Variants in PTBP2 observed in about 807,000 individuals in gnomAD.
PTBP2 encodes the protein polypyrimidine tract-binding protein 2.
Under a neutral mutation model 61.4 loss-of-function variants are expected in PTBP2, and 13 were observed. The observed-to-expected ratio is 0.21, with a 90% CI of 0.14 to 0.34. The LOEUF (loss-of-function observed/expected upper bound fraction) is 0.34. PTBP2 is among the 10% of genes least tolerant of loss of function. The pLI is 1.00. For synonymous variants in PTBP2, 215 were observed against 218.5 expected, an observed-to-expected ratio of 0.98 and a Z score of 0.14; for missense variants, 405 against 642.6, an observed-to-expected ratio of 0.63 and a Z score of 4.00.
At chr1:96,791,213 G>A (rs1448034399) in intron 8 of PTBP2, among the ~76,000 whole-genome samples, 1 of 152,128 alleles carries the variant, frequency 6.6e-6, no homozygotes, top group Non-Finnish European at 1.5e-5. Flanking sequence ...CATACACAGT[G>A]ATGAAGGGAA....
intron 3 of PTBP2, among the ~76,000 whole-genome samples, chr1:96,766,544 T>G (rs1656737013): frequency 6.6e-6 from 1 of 152,192 alleles, no homozygotes; most frequent in Admixed American, 6.5e-5. Context: ...AAGCTAATGT[T>G]TCCATTTTTG....
At position 96,738,398 on chromosome 1, in the gene PTBP2, C is replaced by G. The variant is rs1044836097; in HGVS notation, c.40-13027C>G. 2.0e-5 allele frequency among the ~76,000 whole-genome samples: 3 copies of G among 151,940 alleles called. 1 individual carries two copies. Among genetic ancestry groups the G allele is most frequent in the Non-Finnish European group, 1.5e-5 (1 of 67,998 alleles). ...AGGCCATTCTCCTGCCTCAGCCTCC[C>G]GAGTAGCTGGGACTGCAGGTGCCTG... On this transcript the variant is annotated intron_variant, in intron 2 of 13. Transcript: ENST00000674951.
chr1:96,810,642 GTT>G (rs1276978112), intron 11 of PTBP2, among the ~76,000 whole-genome samples: 12 of 152,190 alleles, frequency 7.9e-5, no homozygotes, highest in Non-Finnish European at 1.8e-4. Flanking sequence ...AAGCTCTGCT[GTT>G]TGTGCTGTCT....
intron 2 of PTBP2, among the ~76,000 whole-genome samples, chr1:96,748,966 A>G (rs1488872661): frequency 6.6e-6 from 1 of 152,210 alleles, no homozygotes; most frequent in Non-Finnish European, 1.5e-5. Flanking sequence ...ATTTGTAAAA[A>G]TACTCCAGTA....
intron 5 of PTBP2, among the ~76,000 whole-genome samples, chr1:96,772,279 G>C (rs891160861): frequency 6.6e-6 from 1 of 152,086 alleles, no homozygotes; most frequent in Admixed American, 6.5e-5. Flanking sequence ...ATATTAAAAA[G>C]GATAATAAGC....
chr1:96,816,417 GTTAA>G (rs1419649210), downstream of PTBP2: 2 of 152,130 alleles, frequency 1.3e-5, no homozygotes, highest in Non-Finnish European at 2.9e-5. Context: ...TAGCTGCTTT[GTTAA>G]TAGAGGTCTT....
chr1:96,817,248 G>T (rs925848819), downstream of PTBP2: 2 of 152,060 alleles, frequency 1.3e-5, no homozygotes, highest in African/African-American at 4.8e-5. Context: ...CTTCAAACAG[G>T]ATTTTCTGGC....
At position 96,810,123 on chromosome 1, in the gene PTBP2, T is replaced by G. The variant is rs562158061; in HGVS notation, c.1172-2589T>G. On this transcript the variant is annotated intron_variant, in intron 11 of 13. Coordinates refer to ENST00000674951, the MANE Select transcript of PTBP2 (RefSeq NM_021190.4). ...TAAATTTCTTGAGGTCTTTTAAAAT[T>G]TTTATTATTCGTTAATAATCTCTTT... is the stretch of plus-strand genomic sequence containing the variant. Among the ~76,000 whole-genome samples the G allele has an allele frequency of 1.5e-4, 23 of 152,312 alleles. 1 individual carries two copies. Among genetic ancestry groups the G allele is most frequent in the African/African-American group, 5.3e-4 (22 of 41,586 alleles).
intron 3 of PTBP2, among the ~76,000 whole-genome samples, chr1:96,761,893 G>T (rs1173343843): frequency 2.0e-5 from 3 of 152,054 alleles, no homozygotes; most frequent in African/African-American, 4.8e-5. Context: ...GCGGACTTCC[G>T]CAGTGTTTGT....
intron 11 of PTBP2, among the ~76,000 whole-genome samples, chr1:96,807,764 A>G (rs1661641988): frequency 6.6e-6 from 1 of 152,220 alleles, no homozygotes; most frequent in African/African-American, 2.4e-5. Flanking sequence ...TTGAATTTCA[A>G]ACACATAATA....
At chr1:96,766,123 G>C (rs151284704) in intron 3 of PTBP2, among the ~76,000 whole-genome samples, 1 of 152,136 alleles carries the variant, frequency 6.6e-6, no homozygotes, top group African/African-American at 2.4e-5. Flanking sequence ...GCTGGCTTTA[G>C]AATTGAGGTG....
chr1:96,806,214 T>A (rs1272308803), intron 9 of PTBP2, among the ~76,000 whole-genome samples: 1 of 152,114 alleles, frequency 6.6e-6, no homozygotes, highest in Non-Finnish European at 1.5e-5. Context: ...ATTCCCTGTC[T>A]CCATTCCCTA....
At chr1:96,762,006 TTTAA>T (rs1655941755) in intron 3 of PTBP2, among the ~76,000 whole-genome samples, 6 of 151,190 alleles carry the variant, frequency 4.0e-5, no homozygotes, top group Admixed American at 3.3e-4. Flanking sequence ...CCTTAATCCA[TTTAA>T]CCCTGAGTGG....
chr1:96,769,803 A>C lies in PTBP2; in HGVS notation c.216A>C (p.Glu72Asp). 1 of 1,612,452 alleles carries C rather than the reference A, an allele frequency of 6.2e-7. No individual in the cohort carries two copies. The highest frequency in any genetic ancestry group is 8.5e-7 in the Non-Finnish European group (1 of 1,178,962). ...HIRKLPGEVTETEVIALGLPF... is the reference protein window; with the variant it reads ...HIRKLPGEVTDTEVIALGLPF... Reference sequence around the variant, plus strand: ...GAAAATTACCTGGGGAAGTAACAGAAACTGAAGTTATTGCTTTAGGCTTAC... The same window carrying C: ...GAAAATTACCTGGGGAAGTAACAGACACTGAAGTTATTGCTTTAGGCTTAC... The change falls in exon 4 of 14, where the codon GAA (glutamate) becomes GAC (aspartate). Residue 72 changes from glutamate to aspartate, a missense_variant. Glu to Asp is a conservative substitution (Grantham distance 45). Coordinates refer to ENST00000674951, the MANE Select transcript of PTBP2 (RefSeq NM_021190.4).
In PTBP2 at chr1:96,751,513, C is replaced by G. The variant is rs568821322; in HGVS notation, c.115+13C>G. 5 of 1,593,236 alleles carry G rather than the reference C, an allele frequency of 3.1e-6. No individual in the cohort carries two copies. Among genetic ancestry groups the G allele is most frequent in the Non-Finnish European group, 3.4e-6 (4 of 1,164,898 alleles). On this transcript the variant is annotated intron_variant, in intron 3 of 13. Coordinates refer to ENST00000674951, the MANE Select transcript of PTBP2 (RefSeq NM_021190.4). ...ATGGTAGTTACAGGTAAGTGTTACT[C>G]TCTTAGCAGTCTGTCATTTGCCATT...
chr1:96,809,882 T>A (rs892380585), intron 11 of PTBP2, among the ~76,000 whole-genome samples: 5 of 151,982 alleles, frequency 3.3e-5, no homozygotes, highest in Non-Finnish European at 7.4e-5. Context: ...GAAGGAGATA[T>A]TAAAGACAAG....
chr1:96,771,676 A>G (rs1657396502), intron 5 of PTBP2, among the ~76,000 whole-genome samples: 1 of 152,156 alleles, frequency 6.6e-6, no homozygotes. Flanking sequence ...AAGAGGAAGA[A>G]TACCAAAAGA....
At chr1:96,797,368 A>G (rs1012714826) in intron 8 of PTBP2, among the ~76,000 whole-genome samples, 2 of 152,232 alleles carry the variant, frequency 1.3e-5, no homozygotes, top group East Asian at 1.9e-4. Flanking sequence ...CAGGTAGAAT[A>G]AAAGTGTAGT....
At chr1:96,737,492 A>C (rs1183728647) in intron 2 of PTBP2, among the ~76,000 whole-genome samples, 1 of 152,172 alleles carries the variant, frequency 6.6e-6, no homozygotes, top group Non-Finnish European at 1.5e-5. Flanking sequence ...AAGGAAAGAC[A>C]CAAAGTGAGC....
Sources: gnomAD v4.1 joint callset for allele counts (sites outside exome capture counted in the v4.1 genomes callset) on GRCh38, gnomAD v4.1.1 for gene constraint, MANE v1.5 for transcripts, NCBI Gene and HGNC (gene_info 2026-07-23, HGNC 2026-07-21) for gene names.